PTPRK: variants seen among roughly 807,000 people sequenced by gnomAD.
PTPRK encodes the protein protein tyrosine phosphatase receptor type K, also known as receptor-type tyrosine-protein phosphatase kappa.
PTPRK carries 75 observed loss-of-function variants against 178.0 expected under a neutral mutation model. The ratio of observed to expected loss-of-function variants is 0.42; its 90% confidence interval spans 0.35 to 0.51. PTPRK has a LOEUF of 0.51. Among genes scored for constraint, PTPRK ranks in the 20% least tolerant of loss-of-function variants. PTPRK has a pLI of 0.02. For missense variants in PTPRK, 1,441 were observed against 1,797.8 expected, an observed-to-expected ratio of 0.80 and a Z score of 3.59; for synonymous variants, 637 against 620.6, an observed-to-expected ratio of 1.03 and a Z score of -0.39.
At chr6:128,185,847 G>C (rs975274780) in intron 6 of PTPRK, among the ~76,000 whole-genome samples, 3 of 152,156 alleles carry the variant, frequency 2.0e-5, no homozygotes, top group Admixed American at 1.3e-4. Flanking sequence ...CAATGGCAAT[G>C]CATTGCATGA....
chr6:128,171,784 T>C (rs1464005793), intron 7 of PTPRK, among the ~76,000 whole-genome samples: 1 of 151,998 alleles, frequency 6.6e-6, no homozygotes, highest in Non-Finnish European at 1.5e-5. Flanking sequence ...ATTTCTTCAT[T>C]AGATCAATTC....
chr6:128,050,747 C>T (rs1778860806), intron 13 of PTPRK, among the ~76,000 whole-genome samples: 1 of 152,114 alleles, frequency 6.6e-6, no homozygotes, highest in African/African-American at 2.4e-5. Context: ...TGTTATATTG[C>T]CCAGGCTGAT....
intron 2 of PTPRK, among the ~76,000 whole-genome samples, chr6:128,342,304 A>ACAC (rs903193577): frequency 2.0e-5 from 3 of 152,152 alleles, no homozygotes; most frequent in African/African-American, 7.2e-5. Context: ...AGGTTTCAGC[A>ACAC]CACACACAAA....
intron 3 of PTPRK, among the ~76,000 whole-genome samples, chr6:128,303,025 A>G (rs1825871017): frequency 6.6e-6 from 1 of 152,148 alleles, no homozygotes; most frequent in South Asian, 2.1e-4. Context: ...AAAAAATGGC[A>G]TCACGATTCA....
chr6:128,273,334 T>G (rs1434764436), intron 3 of PTPRK, among the ~76,000 whole-genome samples: 2 of 151,986 alleles, frequency 1.3e-5, no homozygotes. Context: ...TTTGTGCACA[T>G]GTACCCTAGA....
At chr6:128,006,042 A>C (rs1778376935) in intron 14 of PTPRK, 1 of 1,571,586 alleles carries the variant, frequency 6.4e-7, no homozygotes, top group Non-Finnish European at 8.7e-7. Context: ...TAGGAGTAAG[A>C]ATAGTAGCTC....
chr6:128,111,230 C>G (rs1333806335), intron 7 of PTPRK, among the ~76,000 whole-genome samples: 4 of 152,114 alleles, frequency 2.6e-5, no homozygotes, highest in Non-Finnish European at 5.9e-5. Flanking sequence ...TACATTTAAC[C>G]TTCTAGCTTT....
chr6:128,259,853 T>C (rs1245389369), intron 3 of PTPRK, among the ~76,000 whole-genome samples: 2 of 152,178 alleles, frequency 1.3e-5, no homozygotes, highest in African/African-American at 2.4e-5. Context: ...TAAAAAAATG[T>C]GACTTCCTTC....
chr6:128,264,047 G>GA (rs1345519512), intron 3 of PTPRK, among the ~76,000 whole-genome samples: 1 of 152,050 alleles, frequency 6.6e-6, no homozygotes, highest in East Asian at 1.9e-4. Flanking sequence ...CCAACAATGA[G>GA]AAAAAAGCCA....
intron 6 of PTPRK, among the ~76,000 whole-genome samples, chr6:128,194,054 ATT>A (rs1300810463): frequency 4.4e-5 from 6 of 134,848 alleles, no homozygotes; most frequent in Non-Finnish European, 7.7e-5. Context: ...TCGCAATAAT[ATT>A]TATATATATA....
intron 7 of PTPRK, among the ~76,000 whole-genome samples, chr6:128,091,702 AT>A (rs199815793): frequency 2.0e-5 from 3 of 152,044 alleles, no homozygotes; most frequent in Admixed American, 6.6e-5. Context: ...TTAATTTTTT[AT>A]TTTTTTTAGG....
chr6:128,323,030 C>G (rs1829042663), intron 2 of PTPRK, among the ~76,000 whole-genome samples: 1 of 152,056 alleles, frequency 6.6e-6, no homozygotes, highest in Non-Finnish European at 1.5e-5. Context: ...GGCCCCAGTT[C>G]TGTAACAGTC....
At chr6:128,395,053 C>T (rs1245042375) in intron 2 of PTPRK, among the ~76,000 whole-genome samples, 1 of 151,974 alleles carries the variant, frequency 6.6e-6, no homozygotes. Flanking sequence ...AGCATGCTTG[C>T]TAATTTATGT....
chr6:128,131,394 C>T (rs1017108854), intron 7 of PTPRK, among the ~76,000 whole-genome samples: 2 of 152,084 alleles, frequency 1.3e-5, no homozygotes, highest in African/African-American at 4.8e-5. Context: ...GGAGCCACAT[C>T]GGATGAACGA....
intron 13 of PTPRK, among the ~76,000 whole-genome samples, chr6:128,041,184 A>T (rs534789446): frequency 5.3e-5 from 8 of 152,204 alleles, no homozygotes; most frequent in African/African-American, 1.7e-4. Context: ...TGATTTTCTA[A>T]CCTAAAAGTT....
At chr6:128,408,509 GC>G (rs1841959093) in intron 1 of PTPRK, among the ~76,000 whole-genome samples, 1 of 152,162 alleles carries the variant, frequency 6.6e-6, no homozygotes, top group African/African-American at 2.4e-5. Context: ...TATATCATTT[GC>G]AAAAAAGCAA....
intron 1 of PTPRK, among the ~76,000 whole-genome samples, chr6:128,467,760 T>C (rs1260650692): frequency 4.0e-5 from 6 of 151,692 alleles, no homozygotes; most frequent in Non-Finnish European, 8.8e-5. Context: ...TAGCTTCAAT[T>C]AGAAGCAAAT....
At chr6:128,454,700 A>T (rs1381503015) in intron 1 of PTPRK, among the ~76,000 whole-genome samples, 1 of 152,154 alleles carries the variant, frequency 6.6e-6, no homozygotes, top group Admixed American at 6.6e-5. Context: ...TAATATAGGC[A>T]TCTCAGCACT....
At position 127,990,813 on chromosome 6, in the gene PTPRK, C is replaced by A; in HGVS notation, c.3052G>T (p.Glu1018Ter). 6.2e-7 allele frequency: 1 copy of A among 1,611,682 alleles called. No individual in the cohort carries two copies. Among genetic ancestry groups the A allele is most frequent in the Non-Finnish European group, 8.5e-7 (1 of 1,178,152 alleles). The part of the protein sequence containing the change: ...GDFKVTCVEM[E>*]PLAEYVVRTF... ...CTAACTACATATTCAGCAAGTGGTT[C>A]CATTTCTACACACGTTACTTTGAAG... Residue 1018 changes from glutamate to a stop codon, truncating the protein, a stop_gained, in exon 21 of 30, where the codon GAA (glutamate) becomes TAA (stop). Transcript: ENST00000368226. LOFTEE classifies it high-confidence loss of function.
Sources: allele counts gnomAD v4.1 joint callset (sites outside exome capture counted in the v4.1 genomes callset), GRCh38; gene constraint gnomAD v4.1.1; transcripts MANE v1.5; gene names NCBI Gene and HGNC (gene_info 2026-07-23, HGNC 2026-07-21).